Variants in PTPRK observed in about 807,000 individuals in gnomAD.
The protein encoded by PTPRK is receptor-type tyrosine-protein phosphatase kappa.
PTPRK carries 75 observed loss-of-function variants against 178.0 expected under a neutral mutation model. The observed-to-expected ratio is 0.42, with a 90% confidence interval of 0.35 to 0.51. PTPRK has a LOEUF of 0.51. PTPRK is among the 20% of genes least tolerant of loss of function. The pLI is 0.02. For synonymous variants in PTPRK, 637 were observed against 620.6 expected, an observed-to-expected ratio of 1.03 and a Z score of -0.39; for missense variants, 1,441 against 1,797.8, an observed-to-expected ratio of 0.80 and a Z score of 3.59.
chr6:128,464,444 A>C (rs1849482060), intron 1 of PTPRK, among the ~76,000 whole-genome samples: 1 of 151,676 alleles, frequency 6.6e-6, no homozygotes. Flanking sequence ...GGAGATATAA[A>C]AGGAAGGAAA....
intron 3 of PTPRK, among the ~76,000 whole-genome samples, chr6:128,256,341 A>G (rs1817306543): frequency 6.6e-6 from 1 of 152,222 alleles, no homozygotes; most frequent in Non-Finnish European, 1.5e-5. Flanking sequence ...TAGGGATACG[A>G]AGATGGATAA....
At chr6:128,422,400 A>G (rs1443508906) in intron 1 of PTPRK, among the ~76,000 whole-genome samples, 2 of 152,176 alleles carry the variant, frequency 1.3e-5, no homozygotes, top group African/African-American at 2.4e-5. Flanking sequence ...TAGGTAAGTG[A>G]GATGAAGATA....
In PTPRK at chr6:128,262,812, T is replaced by A. The variant is rs1437257399; in HGVS notation, c.496-20210A>T. Reference sequence around the variant, plus strand: ...AATACAAAGTTAAATGGTACTTCTTTTTTTTTTTTCCCAAGAATTTTTAGG... The same window carrying A: ...AATACAAAGTTAAATGGTACTTCTTATTTTTTTTTCCCAAGAATTTTTAGG... On this transcript the variant is annotated intron_variant, in intron 3 of 29. Coordinates refer to ENST00000368226, the MANE Select transcript of PTPRK (RefSeq NM_002844.4). Among the ~76,000 whole-genome samples the A allele has an allele frequency of 2.7e-5, 4 of 150,888 alleles. No individual in the cohort carries two copies. The East Asian group carries it at 7.7e-4, about 29-fold the overall frequency.
chr6:128,172,702 G>T (rs1346469411), intron 7 of PTPRK, among the ~76,000 whole-genome samples: 1 of 150,006 alleles, frequency 6.7e-6, no homozygotes. Context: ...ATATATACTA[G>T]ATATATATGT....
In PTPRK at chr6:127,968,930, T is replaced by C. The variant is rs1773633288; in HGVS notation, c.*1297A>G. 1 of 152,206 alleles carries C rather than the reference T, an allele frequency of 6.6e-6. No individual in the cohort carries two copies. The highest frequency in any genetic ancestry group is 1.5e-5 in the Non-Finnish European group (1 of 68,018). The allele number at this position is 152,206 out of a possible 1,614,324, so 9.4% of individuals were successfully genotyped here. A position where few individuals can be genotyped will look rare whatever the true frequency, so the allele number is the denominator to read the frequency against. ...CTGATGATGTGAAGTTACAGCTACG[T>C]GGAGCATGTGAACAAGACCACATTT... On this transcript the variant is annotated 3_prime_UTR_variant, in exon 30 of 30. Transcript: ENST00000368226.
At chr6:128,029,507 T>G (rs1400405214) in intron 13 of PTPRK, among the ~76,000 whole-genome samples, 1 of 151,648 alleles carries the variant, frequency 6.6e-6, no homozygotes, top group East Asian at 1.9e-4. Flanking sequence ...AAAAATTAGC[T>G]GGACAGGGTG....
At position 128,335,694 on chromosome 6, in the gene PTPRK, G is replaced by A. The variant is rs191454039; in HGVS notation, c.224-13384C>T. 3.9e-3 allele frequency among the ~76,000 whole-genome samples: 594 copies of A among 151,952 alleles called. 3 individuals carry two copies. Among genetic ancestry groups the A allele is most frequent in the African/African-American group, 0.013 (553 of 41,470 alleles). ...TCCTAGGATATAAAAAAGTAAAAGCGAATGGTGCCATCTCCTCAAATTTTG... is the reference window on the plus strand; with the variant it reads ...TCCTAGGATATAAAAAAGTAAAAGCAAATGGTGCCATCTCCTCAAATTTTG... On this transcript the variant is annotated intron_variant, in intron 2 of 29. Transcript: ENST00000368226.
chr6:127,996,190 GTTTAGACAGTGGCTCCAAGTAAGAA>G (rs2114675745), intron 17 of PTPRK, among the ~76,000 whole-genome samples: 1 of 152,168 alleles, frequency 6.6e-6, no homozygotes, highest in East Asian at 1.9e-4. Flanking sequence ...AACAACTGGA[GTTTAGACAGTGGCTCCAAGTAAGAA>G]TTAAAGGCAC....
At chr6:127,999,651 C>T (rs559724059) in intron 15 of PTPRK, among the ~76,000 whole-genome samples, 92 of 152,180 alleles carry the variant, frequency 6.0e-4, no homozygotes, top group African/African-American at 2.2e-3. Context: ...GGTTGAGTTA[C>T]AAAGCTCCTT....
intron 3 of PTPRK, among the ~76,000 whole-genome samples, chr6:128,262,366 CA>C (rs1385635871): frequency 6.6e-6 from 1 of 152,134 alleles, no homozygotes; most frequent in Non-Finnish European, 1.5e-5. Context: ...ATCACACTGA[CA>C]GACTTAATAT....
intron 2 of PTPRK, among the ~76,000 whole-genome samples, chr6:128,364,117 CA>C (rs891996665): frequency 2.0e-5 from 3 of 151,160 alleles, no homozygotes; most frequent in Middle Eastern, 3.4e-3. Context: ...AGCCATTTAT[CA>C]AAAAAAATAG....
chr6:128,109,352 T>C lies in PTPRK; in HGVS notation c.1163-19360A>G, dbSNP rs1013917885. On this transcript the variant is annotated intron_variant, in intron 7 of 29. Coordinates refer to ENST00000368226, the MANE Select transcript of PTPRK (RefSeq NM_002844.4). ...CACAAGGATTGTTCTGATACAGTTGTCTTATCTACCTTATTTTTAAGTTGT... is the reference window on the plus strand; with the variant it reads ...CACAAGGATTGTTCTGATACAGTTGCCTTATCTACCTTATTTTTAAGTTGT... Among the ~76,000 whole-genome samples, 11 of 152,324 alleles carry C rather than the reference T, an allele frequency of 7.2e-5. No homozygotes were observed. The East Asian group carries it at 2.1e-3, about 29-fold the overall frequency.
At chr6:128,172,215 T>C (rs1266404134) in intron 7 of PTPRK, among the ~76,000 whole-genome samples, 2 of 152,008 alleles carry the variant, frequency 1.3e-5, no homozygotes, top group Non-Finnish European at 2.9e-5. Context: ...ACTAACAATT[T>C]TCCCTACCTT....
chr6:128,441,699 T>C (rs1020083183), intron 1 of PTPRK, among the ~76,000 whole-genome samples: 1 of 152,198 alleles, frequency 6.6e-6, no homozygotes, highest in Non-Finnish European at 1.5e-5. Flanking sequence ...ATTCACAAGA[T>C]GGATTCACTT....
intron 1 of PTPRK, among the ~76,000 whole-genome samples, chr6:128,444,757 T>C (rs1470331678): frequency 6.6e-6 from 1 of 152,136 alleles, no homozygotes; most frequent in Non-Finnish European, 1.5e-5. Flanking sequence ...AAAAGGGAAG[T>C]AGCTTCCTAA....
At chr6:128,337,201 T>C (rs896326545) in intron 2 of PTPRK, among the ~76,000 whole-genome samples, 1 of 152,148 alleles carries the variant, frequency 6.6e-6, no homozygotes, top group Non-Finnish European at 1.5e-5. Flanking sequence ...ACTTTGTATT[T>C]GTTAGAATGT....
At chr6:128,003,285 A>T (rs1012921093) in intron 15 of PTPRK, 3 of 1,465,600 alleles carry the variant, frequency 2.0e-6, no homozygotes, top group African/African-American at 2.8e-5. Flanking sequence ...ATTGTTTTTT[A>T]AAATCTTTTT....
intron 1 of PTPRK, among the ~76,000 whole-genome samples, chr6:128,480,736 G>A (rs1851971376): frequency 6.6e-6 from 1 of 152,144 alleles, no homozygotes; most frequent in African/African-American, 2.4e-5. Flanking sequence ...GTGAAGCCAA[G>A]GCTACAAAGC....
intron 7 of PTPRK, among the ~76,000 whole-genome samples, chr6:128,111,469 C>G (rs1337399178): frequency 6.6e-6 from 1 of 152,194 alleles, no homozygotes; most frequent in Admixed American, 6.5e-5. Flanking sequence ...AGAACTTAAA[C>G]TGTATCTCAG....
Sources: gnomAD v4.1 joint callset for allele counts (sites outside exome capture counted in the v4.1 genomes callset) on GRCh38, gnomAD v4.1.1 for gene constraint, MANE v1.5 for transcripts, NCBI Gene and HGNC (gene_info 2026-07-23, HGNC 2026-07-21) for gene names.